CCSER1: variants seen among roughly 807,000 people sequenced by gnomAD.
The protein encoded by CCSER1 is serine-rich coiled-coil domain-containing protein 1.
CCSER1 carries 41 observed loss-of-function variants against 82.0 expected under a neutral mutation model. That is an observed-to-expected ratio of 0.50 (90% CI 0.39 to 0.65). CCSER1 has a LOEUF of 0.65. Among genes scored for constraint, CCSER1 ranks in the 30% least tolerant of loss-of-function variants. The pLI is 0.00. For synonymous variants in CCSER1, 414 were observed against 383.9 expected, an observed-to-expected ratio of 1.08 and a Z score of -0.92; for missense variants, 1,119 against 1,064.2, an observed-to-expected ratio of 1.05 and a Z score of -0.72.
At chr4:91,071,609 A>C (rs1721443152) in intron 9 of CCSER1, among the ~76,000 whole-genome samples, 1 of 152,176 alleles carries the variant, frequency 6.6e-6, no homozygotes, top group Non-Finnish European at 1.5e-5. Flanking sequence ...AAATAATCAT[A>C]ATCTAGCTAT....
chr4:91,092,782 G>T (rs1348180012), intron 10 of CCSER1, among the ~76,000 whole-genome samples: 1 of 152,158 alleles, frequency 6.6e-6, no homozygotes, highest in Non-Finnish European at 1.5e-5. Context: ...GTAGGCACCA[G>T]ATCAGGTGTT....
chr4:90,747,457 A>T (rs1185577843), intron 7 of CCSER1, among the ~76,000 whole-genome samples: 1 of 151,958 alleles, frequency 6.6e-6, no homozygotes, highest in Non-Finnish European at 1.5e-5. Context: ...TGGAGGGGAT[A>T]AACTGCGGAG....
intron 3 of CCSER1, among the ~76,000 whole-genome samples, chr4:90,328,995 T>C (rs1738760045): frequency 6.6e-6 from 1 of 152,252 alleles, no homozygotes; most frequent in African/African-American, 2.4e-5. Context: ...TTTCCACACT[T>C]CTTTGTTTTT....
intron 5 of CCSER1, among the ~76,000 whole-genome samples, chr4:90,541,556 A>T (rs1579057928): frequency 6.6e-6 from 1 of 152,078 alleles, no homozygotes; most frequent in African/African-American, 2.4e-5. Context: ...AAATCCAGGA[A>T]TGACACATAG....
intron 10 of CCSER1, among the ~76,000 whole-genome samples, chr4:91,331,938 T>C (rs182116899): frequency 6.6e-6 from 1 of 152,240 alleles, no homozygotes; most frequent in East Asian, 1.9e-4. Context: ...ACAAAGCTGT[T>C]TTCATCACCA....
intron 8 of CCSER1, among the ~76,000 whole-genome samples, chr4:90,855,549 T>G (rs1764366341): frequency 6.6e-6 from 1 of 152,180 alleles, no homozygotes; most frequent in South Asian, 2.1e-4. Context: ...AGTAACATAT[T>G]TTGCATTTTT....
intron 3 of CCSER1, among the ~76,000 whole-genome samples, chr4:90,331,501 A>C (rs1050778279): frequency 1.3e-5 from 2 of 152,174 alleles, no homozygotes; most frequent in Non-Finnish European, 2.9e-5. Context: ...TGAATCTGAA[A>C]CATTTAGATT....
rs546309168 is a variant in CCSER1, at chr4:91,198,837, C to T, written c.2217+112843C>T. 8.5e-5 allele frequency among the ~76,000 whole-genome samples: 13 copies of T among 152,140 alleles called. No individual in the cohort carries two copies. In the East Asian group the frequency reaches 9.7e-4, roughly 11 times the overall value. On this transcript the variant is annotated intron_variant, in intron 10 of 10. Coordinates refer to ENST00000509176, the MANE Select transcript of CCSER1 (RefSeq NM_001145065.2). ...AAGCAAAAGGGTTTTTATTTGCTGACGTAATAATGAAAAAGCCCAGAGATA... is the reference window on the plus strand; with the variant it reads ...AAGCAAAAGGGTTTTTATTTGCTGATGTAATAATGAAAAAGCCCAGAGATA...
chr4:90,259,825 A>G (rs1723988893), intron 1 of CCSER1, among the ~76,000 whole-genome samples: 1 of 152,094 alleles, frequency 6.6e-6, no homozygotes, highest in South Asian at 2.1e-4. Context: ...GTCATGATGT[A>G]TTATCATTTT....
chr4:91,303,441 T>G (rs537555544), intron 10 of CCSER1, among the ~76,000 whole-genome samples: 2 of 152,148 alleles, frequency 1.3e-5, no homozygotes, highest in Non-Finnish European at 2.9e-5. Flanking sequence ...AAATAAATTA[T>G]GAACTTTAGT....
At chr4:90,399,662 A>T (rs539620776) in intron 3 of CCSER1, among the ~76,000 whole-genome samples, 31 of 152,064 alleles carry the variant, frequency 2.0e-4, no homozygotes, top group Non-Finnish European at 4.1e-4. Flanking sequence ...TTTTAATATC[A>T]CTAAAGAAGT....
At chr4:91,063,730 C>T (rs184750748) in intron 9 of CCSER1, among the ~76,000 whole-genome samples, 1 of 152,212 alleles carries the variant, frequency 6.6e-6, no homozygotes, top group East Asian at 1.9e-4. Flanking sequence ...CTAAAATCTA[C>T]AATTAGAATG....
At position 91,599,327 on chromosome 4, in the gene CCSER1, A is replaced by T. The variant is rs1578894360; in HGVS notation, c.*270A>T. Reference sequence around the variant, plus strand: ...ATAAATGGGACCATCATGATCGTTTATATAGTCCATAATTTATTTATTTTT... The same window carrying T: ...ATAAATGGGACCATCATGATCGTTTTTATAGTCCATAATTTATTTATTTTT... On this transcript the variant is annotated 3_prime_UTR_variant, in exon 11 of 11. Coordinates refer to ENST00000509176, the MANE Select transcript of CCSER1 (RefSeq NM_001145065.2). 6.6e-6 allele frequency: 2 copies of T among 304,578 alleles called. No homozygotes were observed. Among genetic ancestry groups the T allele is most frequent in the African/African-American group, 4.3e-5 (2 of 46,522 alleles). The allele number at this position is 304,578 out of a possible 1,614,324, so 18.9% of individuals were successfully genotyped here. A position where few individuals can be genotyped will look rare whatever the true frequency, so the allele number is the denominator to read the frequency against.
chr4:90,830,375 A>G (rs1035237317), intron 8 of CCSER1, among the ~76,000 whole-genome samples: 1 of 152,190 alleles, frequency 6.6e-6, no homozygotes, highest in African/African-American at 2.4e-5. Flanking sequence ...GCATATGCAA[A>G]TTAAATTTTA....
intron 7 of CCSER1, among the ~76,000 whole-genome samples, chr4:90,738,685 T>C (rs7659371): frequency 0.015 from 2,348 of 152,264 alleles, 64 homozygotes; most frequent in African/African-American, 0.054. Context: ...CAGCATTTGG[T>C]GAATCCAGCC....
chr4:91,367,317 CAAAA>C (rs557952182), intron 10 of CCSER1, among the ~76,000 whole-genome samples: 39 of 75,016 alleles, frequency 5.2e-4, no homozygotes, highest in East Asian at 2.5e-3. Flanking sequence ...ATCCTGTCTC[CAAAA>C]AAAAAAAAAA....
intron 5 of CCSER1, among the ~76,000 whole-genome samples, chr4:90,623,202 T>G (rs1722672400): frequency 6.6e-6 from 1 of 151,668 alleles, no homozygotes; most frequent in Non-Finnish European, 1.5e-5. Context: ...TAATTATTTT[T>G]TTTTTGTATT....
chr4:91,445,032 T>C (rs1033763151), intron 10 of CCSER1, among the ~76,000 whole-genome samples: 1 of 152,224 alleles, frequency 6.6e-6, no homozygotes, highest in African/African-American at 2.4e-5. Flanking sequence ...GTCTACATTA[T>C]ACTGTAAAGA....
At chr4:91,229,853 A>AG (rs987153403) in intron 10 of CCSER1, among the ~76,000 whole-genome samples, 1 of 152,092 alleles carries the variant, frequency 6.6e-6, no homozygotes, top group African/African-American at 2.4e-5. Flanking sequence ...GGGAAAAGGG[A>AG]GGGAGAGCAT....
Sources: gnomAD v4.1 joint callset for allele counts (sites outside exome capture counted in the v4.1 genomes callset) on GRCh38, gnomAD v4.1.1 for gene constraint, MANE v1.5 for transcripts, NCBI Gene and HGNC (gene_info 2026-07-23, HGNC 2026-07-21) for gene names.